MAP3K3: variants seen among roughly 807,000 people sequenced by gnomAD.
MAP3K3 encodes mitogen-activated protein kinase kinase kinase 3.
Under a neutral mutation model 80.9 loss-of-function variants are expected in MAP3K3, and 12 were observed. That is an observed-to-expected ratio of 0.15 (90% CI 0.10 to 0.24). MAP3K3 has a LOEUF of 0.24. Ranked by LOEUF, MAP3K3 falls within the 10% of genes least tolerant of loss-of-function variation. The pLI, the probability that MAP3K3 is intolerant of heterozygous loss-of-function variation, is 1.00. For synonymous variants in MAP3K3, 272 were observed against 307.1 expected, an observed-to-expected ratio of 0.89 and a Z score of 1.19; for missense variants, 596 against 834.7, an observed-to-expected ratio of 0.71 and a Z score of 3.52.
chr17:63,644,061 G>A lies in MAP3K3; in HGVS notation c.127-1973G>A, dbSNP rs182894414. 7.9e-5 allele frequency among the ~76,000 whole-genome samples: 12 copies of A among 152,140 alleles called. No homozygotes were observed. The East Asian group carries it at 2.3e-3, about 29-fold the overall frequency. On this transcript the variant is annotated intron_variant, in intron 2 of 15. Coordinates refer to ENST00000361733, the MANE Select transcript of MAP3K3 (RefSeq NM_002401.5). The stretch of plus-strand genomic sequence containing the variant: ...TTTCTGTAAAATAGGGATAATAATG[G>A]TACTTGTTTTGAGGATCAGTTTAAT...
intron 3 of MAP3K3, among the ~76,000 whole-genome samples, chr17:63,649,332 G>A (rs1222621356): frequency 6.6e-6 from 1 of 151,950 alleles, no homozygotes; most frequent in Non-Finnish European, 1.5e-5. Flanking sequence ...AGCTACTCGG[G>A]AGGCTGAGGC....
intron 1 of MAP3K3, among the ~76,000 whole-genome samples, chr17:63,631,392 T>C (rs1258595652): frequency 6.6e-6 from 1 of 152,188 alleles, no homozygotes; most frequent in African/African-American, 2.4e-5. Context: ...ATTAGAATAT[T>C]TCCAAGGGAC....
rs1244284230 is a variant in MAP3K3 at position 63,693,507 on chromosome 17, C to T, written c.1653-42C>T. On this transcript the variant is annotated intron_variant, in intron 15 of 15. Transcript: ENST00000361733. This position sits in a 1 kb window ranked among gnomAD's most constrained non-coding sequence, Gnocchi z 4.2. ...AGTGGTGGGCAGGACAGCTGGGAGTCCAGGGCTGGCTGAGGGGTGACACGG... is the reference window on the plus strand; with the variant it reads ...AGTGGTGGGCAGGACAGCTGGGAGTTCAGGGCTGGCTGAGGGGTGACACGG... 2 of 1,554,364 alleles carry T rather than the reference C, an allele frequency of 1.3e-6. No individual in the cohort carries two copies. Among genetic ancestry groups the T allele is most frequent in the East Asian group, 2.3e-5 (1 of 43,600 alleles).
chr17:63,681,007 G>T (rs1446545996), intron 6 of MAP3K3, among the ~76,000 whole-genome samples: 2 of 150,432 alleles, frequency 1.3e-5, no homozygotes, highest in East Asian at 2.0e-4. Context: ...ATCAAATGAG[G>T]TTAATTACTG....
chr17:63,676,060 A>G (rs1351620995), intron 6 of MAP3K3, among the ~76,000 whole-genome samples: 3 of 152,182 alleles, frequency 2.0e-5, no homozygotes, highest in Non-Finnish European at 4.4e-5. Context: ...TGGTTTTTCC[A>G]TTCGGTTCCT....
rs2035529622 is a variant in MAP3K3, at chr17:63,689,241, G to A, written c.872-303G>A. 1.3e-5 allele frequency: 7 copies of A among 526,688 alleles called. No homozygotes were observed. In the East Asian group the frequency reaches 2.3e-4, roughly 17 times the overall value. 32.6% of individuals were successfully genotyped at this position (526,688 alleles called of 1,614,324 possible). A position where few individuals can be genotyped will look rare whatever the true frequency, so the allele number is the denominator to read the frequency against. ...CTTCGGGTGTGGCTTGGCCTTGCAAGCAATTGGGAGCCTGTTGGCCAGCCA... is the reference window on the plus strand; with the variant it reads ...CTTCGGGTGTGGCTTGGCCTTGCAAACAATTGGGAGCCTGTTGGCCAGCCA... On this transcript the variant is annotated intron_variant, in intron 10 of 15. Transcript: ENST00000361733. The surrounding 1 kb of genome is among the most constrained non-coding windows in gnomAD (Gnocchi z 4.3).
chr17:63,680,780 A>G (rs1247353465), intron 6 of MAP3K3, among the ~76,000 whole-genome samples: 2 of 151,550 alleles, frequency 1.3e-5, no homozygotes, highest in African/African-American at 2.4e-5. Flanking sequence ...TAAAACATAA[A>G]TAATTGTTTT....
chr17:63,690,468 C>T (rs2035562201), intron 12 of MAP3K3, 56 bp downstream of exon 12: 1 of 1,579,462 alleles, frequency 6.3e-7, no homozygotes, highest in African/African-American at 1.3e-5. Flanking sequence ...AAATGCCTGT[C>T]TTACCACACA....
intron 2 of MAP3K3, among the ~76,000 whole-genome samples, chr17:63,642,514 C>T (rs928983876): frequency 6.6e-6 from 1 of 151,924 alleles, no homozygotes; most frequent in Non-Finnish European, 1.5e-5. Flanking sequence ...AAAAATCATT[C>T]AGGCATGGTG....
At chr17:63,688,950 G>T in intron 10 of MAP3K3, 69 bp downstream of exon 10, 3 of 1,148,680 alleles carry the variant, frequency 2.6e-6, no homozygotes, top group Admixed American at 1.7e-5. Context: ...GGGAGGGTGG[G>T]TTCGTCCATG....
intron 2 of MAP3K3, among the ~76,000 whole-genome samples, chr17:63,641,028 T>G (rs1269172158): frequency 6.6e-6 from 1 of 152,142 alleles, no homozygotes; most frequent in Admixed American, 6.5e-5. Flanking sequence ...AAACATGCAT[T>G]CTGAAACACT....
intron 3 of MAP3K3, among the ~76,000 whole-genome samples, chr17:63,647,043 C>G (rs936664290): frequency 6.6e-6 from 1 of 152,192 alleles, no homozygotes; most frequent in South Asian, 2.1e-4. Flanking sequence ...CTTAGTACCT[C>G]TAAACATTCT....
intron 4 of MAP3K3, among the ~76,000 whole-genome samples, chr17:63,657,426 A>G (rs2034794138): frequency 6.6e-6 from 1 of 152,206 alleles, no homozygotes; most frequent in Non-Finnish European, 1.5e-5. Flanking sequence ...AAATGGAATG[A>G]AATGTCCAGA....
intron 8 of MAP3K3, among the ~76,000 whole-genome samples, chr17:63,686,746 G>C (rs986411288): frequency 1.3e-5 from 2 of 152,136 alleles, no homozygotes; most frequent in African/African-American, 4.8e-5. Flanking sequence ...CTCTATTCTT[G>C]GGTTTTTTCC....
At chr17:63,666,166 G>C (rs2034995975) in intron 5 of MAP3K3, among the ~76,000 whole-genome samples, 1 of 152,048 alleles carries the variant, frequency 6.6e-6, no homozygotes, top group Non-Finnish European at 1.5e-5. Flanking sequence ...GTGCTGGGAG[G>C]ATTGCTGACC....
rs143094731 is a variant in MAP3K3, at chr17:63,692,770, G to A, written c.1652+351G>A. 2.6e-5 allele frequency among the ~76,000 whole-genome samples: 4 copies of A among 152,316 alleles called. No individual in the cohort carries two copies. The highest frequency in any genetic ancestry group is 1.9e-4 in the East Asian group (1 of 5,186). ...CACTCAAGACAGTTTGCACTTGCTCGACATAACCTTGTGTCTATCCTCTGA... is the reference window on the plus strand; with the variant it reads ...CACTCAAGACAGTTTGCACTTGCTCAACATAACCTTGTGTCTATCCTCTGA... On this transcript the variant is annotated intron_variant, in intron 15 of 15. Transcript: ENST00000361733. This position sits in a 1 kb window ranked among gnomAD's most constrained non-coding sequence, Gnocchi z 4.5.
rs567681102 is a variant in MAP3K3, at chr17:63,647,328, C to T, written c.167+1254C>T. Among the ~76,000 whole-genome samples, 494 of 152,322 alleles carry T rather than the reference C, an allele frequency of 3.2e-3. 1 individual carries two copies. Among genetic ancestry groups the T allele is most frequent in the Non-Finnish European group, 5.4e-3 (368 of 68,030 alleles). ...GCCATTAGCAGAGAAGTTAAATTGTCACTTCACTGTTGCTACTTTTCACAT... is the reference window on the plus strand; with the variant it reads ...GCCATTAGCAGAGAAGTTAAATTGTTACTTCACTGTTGCTACTTTTCACAT... On this transcript the variant is annotated intron_variant, in intron 3 of 15. Coordinates refer to ENST00000361733, the MANE Select transcript of MAP3K3 (RefSeq NM_002401.5).
intron 5 of MAP3K3, among the ~76,000 whole-genome samples, chr17:63,659,290 G>T (rs1038973836): frequency 3.6e-4 from 55 of 152,288 alleles, no homozygotes; most frequent in African/African-American, 1.3e-3. Flanking sequence ...CACAGAAACT[G>T]CTCCTGTTTT....
intron 5 of MAP3K3, among the ~76,000 whole-genome samples, chr17:63,659,999 TG>T (rs555774091): frequency 1.5e-3 from 227 of 152,290 alleles, no homozygotes; most frequent in African/African-American, 4.9e-3. Context: ...TTTACTTACT[TG>T]GTGGAAGAGC....
Sources: gnomAD v4.1 joint callset for allele counts (sites outside exome capture counted in the v4.1 genomes callset) on GRCh38, gnomAD v4.1.1 for gene constraint, Gnocchi (gnomAD v3.1) non-coding constraint, MANE v1.5 for transcripts, NCBI Gene and HGNC (gene_info 2026-07-23, HGNC 2026-07-21) for gene names.